POLR1D: variants seen among roughly 807,000 people sequenced by gnomAD.
POLR1D encodes DNA-directed RNA polymerases I and III subunit RPAC2.
In POLR1D, 8 loss-of-function variants were observed where a neutral mutation model predicts 10.8. The ratio of observed to expected loss-of-function variants is 0.74; its 90% CI spans 0.43 to 1.33. POLR1D has a LOEUF of 1.33. POLR1D is among the 40% of genes most tolerant of loss of function. The pLI is 0.01. For missense variants in POLR1D, 152 were observed against 161.7 expected, an observed-to-expected ratio of 0.94 and a Z score of 0.32; for synonymous variants, 54 against 57.2, an observed-to-expected ratio of 0.94 and a Z score of 0.25.
Position 27,665,319 on chromosome 13 carries a change from A to C in POLR1D, c.102-367A>C, listed in dbSNP as rs192390647. Reference sequence around the variant, plus strand: ...TGGTAATAAAACGCAAGATGCAATAAATTTAATCCAAAATAAGTTACAGTA... The same window carrying C: ...TGGTAATAAAACGCAAGATGCAATACATTTAATCCAAAATAAGTTACAGTA... On this transcript the variant is annotated intron_variant, in intron 2 of 2. Transcript: ENST00000399697. 1.8e-4 allele frequency: 40 copies of C among 224,440 alleles called. No homozygotes were observed. The East Asian group carries it at 4.2e-3, about 23-fold the overall frequency. 13.9% of individuals were successfully genotyped at this position (224,440 alleles called of 1,614,324 possible).
chr13:27,655,686 C>T (rs990540491), intron 2 of POLR1D, among the ~76,000 whole-genome samples: 2 of 152,104 alleles, frequency 1.3e-5, no homozygotes, highest in Admixed American at 1.3e-4. Flanking sequence ...TGCAATTTTT[C>T]AGCTAAGATA....
At chr13:27,657,770 A>G (rs532022246) in intron 2 of POLR1D, among the ~76,000 whole-genome samples, 1 of 152,154 alleles carries the variant, frequency 6.6e-6, no homozygotes, top group Non-Finnish European at 1.5e-5. Flanking sequence ...ATTTTTCTCT[A>G]TCTCTCTCAT....
At chr13:27,622,188 G>A in intron 1 of POLR1D, 179 bp downstream of exon 1, 1 of 640,470 alleles carries the variant, frequency 1.6e-6, no homozygotes, top group East Asian at 2.7e-5. Context: ...AGGTACACTA[G>A]CTATCAAGGA....
At chr13:27,634,863 A>G (rs776781486) in intron 1 of POLR1D, among the ~76,000 whole-genome samples, 4 of 151,650 alleles carry the variant, frequency 2.6e-5, no homozygotes, top group Admixed American at 6.6e-5. Context: ...TTTTGTAGAG[A>G]TGGGGTTTTG....
intron 2 of POLR1D, among the ~76,000 whole-genome samples, chr13:27,652,907 A>ATT (rs1956278861): frequency 6.4e-5 from 5 of 78,518 alleles, no homozygotes; most frequent in Non-Finnish European, 1.2e-4. Context: ...TGCATTTACC[A>ATT]TTTCTTTTTT....
upstream of POLR1D, chr13:27,621,843 T>TGCGGCTCCTCCTCCCTCCTTCCGTCCTCC: frequency 1.2e-6 from 1 of 852,754 alleles, no homozygotes; most frequent in South Asian, 1.5e-5. Flanking sequence ...GCCGCGCCGC[T>TGCGGCTCCTCCTCCCTCCTTCCGTCCTCC]GCGGCTCCTC....
At chr13:27,635,725 T>C (rs112936117) in intron 1 of POLR1D, among the ~76,000 whole-genome samples, 14,862 of 133,568 alleles carry the variant, frequency 0.11, 848 homozygotes, top group Non-Finnish European at 0.12. Context: ...TATATATATA[T>C]ACATACACAC....
At position 27,630,442 on chromosome 13, in the gene POLR1D, G is replaced by A. The variant is rs1235617796; in HGVS notation, c.26+8433G>A. ...CTAGTTGGCTTAAACAACAGCTTGG[G>A]GTTACAATTTTTGTTTTTTGTTTTT... On this transcript the variant is annotated intron_variant, in intron 1 of 2. Transcript: ENST00000399697. Among the ~76,000 whole-genome samples the A allele has an allele frequency of 2.6e-5, 4 of 152,134 alleles. No individual in the cohort carries two copies. In the East Asian group the frequency reaches 7.7e-4, roughly 29 times the overall value.
chr13:27,621,877 C>T (rs2232678), upstream of POLR1D: 4,390 of 1,220,572 alleles, frequency 3.6e-3, 126 homozygotes, highest in African/African-American at 0.056. Context: ...TCCTCCGCGC[C>T]TTCCGTCGGT....
At chr13:27,623,553 G>A (rs1242769921), downstream of POLR1D, 2 of 331,950 alleles carry the variant, frequency 6.0e-6, no homozygotes, top group Admixed American at 8.3e-5. Flanking sequence ...AATATCAGAG[G>A]CCTAGACAAG....
At chr13:27,627,272 G>A (rs946756054), downstream of POLR1D, among the ~76,000 whole-genome samples, 5 of 149,174 alleles carry the variant, frequency 3.4e-5, no homozygotes, top group African/African-American at 7.4e-5. Context: ...CAGTTACTGC[G>A]TGGGTCTGGT....
intron 1 of POLR1D, among the ~76,000 whole-genome samples, chr13:27,646,719 T>C (rs1255978443): frequency 1.1e-4 from 16 of 152,130 alleles, no homozygotes; most frequent in Non-Finnish European, 2.9e-5. Context: ...GGTGGTGAAA[T>C]AGTTTGAAAG....
chr13:27,628,360 G>A (rs1385611424), downstream of POLR1D, among the ~76,000 whole-genome samples: 1 of 152,208 alleles, frequency 6.6e-6, no homozygotes, highest in Non-Finnish European at 1.5e-5. Flanking sequence ...TGGCCCACAT[G>A]CAGTTTATTT....
At chr13:27,626,576 A>G (rs557163205), downstream of POLR1D, among the ~76,000 whole-genome samples, 12 of 152,346 alleles carry the variant, frequency 7.9e-5, no homozygotes, top group African/African-American at 2.6e-4. Flanking sequence ...AAAAAGGACT[A>G]GGGAGATGAA....
rs530426478 is a variant in POLR1D, at chr13:27,665,995, C to T, written c.*42C>T. The T allele has an allele frequency of 8.8e-6, 14 of 1,598,218 alleles. No individual in the cohort carries two copies. The African/African-American group carries it at 1.5e-4, about 17-fold the overall frequency. Reference sequence around the variant, plus strand: ...AGCCAGCCCTGCGGGCCTCCGTGCTCCTTCGGGGTGCGGTGTGCGGAGAAG... The same window carrying T: ...AGCCAGCCCTGCGGGCCTCCGTGCTTCTTCGGGGTGCGGTGTGCGGAGAAG... On this transcript the variant is annotated 3_prime_UTR_variant, in exon 3 of 3. Transcript: ENST00000399697.
downstream of POLR1D, among the ~76,000 whole-genome samples, chr13:27,625,823 G>A (rs1956003057): frequency 1.3e-5 from 2 of 152,180 alleles, no homozygotes; most frequent in African/African-American, 4.8e-5. Context: ...TGGAAGCCAA[G>A]GGTTTCAAAT....
At chr13:27,627,729 T>TTTTG (rs1956029393), downstream of POLR1D, among the ~76,000 whole-genome samples, 1 of 93,644 alleles carries the variant, frequency 1.1e-5, no homozygotes, top group Non-Finnish European at 2.4e-5. Context: ...AAGTTTTAGT[T>TTTTG]TTTTTTTTTT....
downstream of POLR1D, among the ~76,000 whole-genome samples, chr13:27,627,284 T>TG: frequency 6.6e-6 from 1 of 151,988 alleles, no homozygotes; most frequent in Non-Finnish European, 1.5e-5. Flanking sequence ...GGGTCTGGTT[T>TG]TTTTTTTTTT....
At chr13:27,639,635 T>G (rs554930373) in intron 1 of POLR1D, among the ~76,000 whole-genome samples, 1 of 152,354 alleles carries the variant, frequency 6.6e-6, no homozygotes, top group East Asian at 1.9e-4. Flanking sequence ...TACAGTGAAG[T>G]AGGTGTCTTA....
Sources: allele counts gnomAD v4.1 joint callset (sites outside exome capture counted in the v4.1 genomes callset), GRCh38; gene constraint gnomAD v4.1.1; transcripts MANE v1.5; gene names NCBI Gene and HGNC (gene_info 2026-07-23, HGNC 2026-07-21).